Variants in MAP1LC3B observed in about 807,000 individuals in gnomAD.
MAP1LC3B encodes microtubule-associated protein 1 light chain 3 beta.
Under a neutral mutation model 16.7 loss-of-function variants are expected in MAP1LC3B, and 12 were observed. That is an observed-to-expected ratio of 0.72 (90% CI 0.46 to 1.16). The LOEUF (loss-of-function observed/expected upper bound fraction) is 1.16. Among genes scored for constraint, MAP1LC3B ranks in the 50% most tolerant of loss-of-function variants. MAP1LC3B has a pLI of 0.00. For missense variants in MAP1LC3B, 155 were observed against 159.5 expected (o/e 0.97, Z 0.15); for synonymous variants, 63 against 56.5 (o/e 1.11, Z -0.51).
chr16:87,402,532 C>G (rs1597391719), intron 3 of MAP1LC3B: 1 of 559,030 alleles, frequency 1.8e-6, no homozygotes, highest in East Asian at 2.9e-5. Flanking sequence ...TAGATGTTTC[C>G]TGTTTAAAAT....
intron 2 of MAP1LC3B, chr16:87,400,248 G>C (rs1385053849): frequency 1.3e-5 from 2 of 150,022 alleles, no homozygotes. Flanking sequence ...CGTGATCTCG[G>C]CTCACTGCAA....
At chr16:87,394,782 T>C (rs1907741186) in intron 1 of MAP1LC3B, among the ~76,000 whole-genome samples, 1 of 152,158 alleles carries the variant, frequency 6.6e-6, no homozygotes, top group Non-Finnish European at 1.5e-5. Context: ...ACTTCAAAAA[T>C]TAAAATTGTG....
intron 2 of MAP1LC3B, chr16:87,399,693 T>C: frequency 2.4e-6 from 1 of 422,820 alleles, no homozygotes; most frequent in Non-Finnish European, 4.7e-6. Context: ...TCAGGTATTA[T>C]AACAGCTTAA....
rs1313846375 is a variant in MAP1LC3B, at chr16:87,403,622, G to A, written c.*525G>A. On this transcript the variant is annotated 3_prime_UTR_variant, in exon 4 of 4. Coordinates refer to ENST00000268607, the MANE Select transcript of MAP1LC3B (RefSeq NM_022818.5). ...TGCCATCACAGTTGGCACAAACGCA[G>A]GGTAAACGGGCTGTGTGAGAAAACG... 6.5e-6 allele frequency: 1 copy of A among 153,122 alleles called. No individual in the cohort carries two copies. The highest frequency in any genetic ancestry group is 6.5e-5 in the Admixed American group (1 of 15,386). The allele number at this position is 153,122 out of a possible 1,614,324, so 9.5% of individuals were successfully genotyped here.
At chr16:87,395,881 G>T (rs570753226) in intron 1 of MAP1LC3B, among the ~76,000 whole-genome samples, 47 of 85,384 alleles carry the variant, frequency 5.5e-4, no homozygotes, top group Admixed American at 9.5e-4. Context: ...TTTTTTTTGA[G>T]ACAGGATCTC....
chr16:87,399,736 GA>G, intron 2 of MAP1LC3B: 1 of 372,080 alleles, frequency 2.7e-6, no homozygotes, highest in Non-Finnish European at 5.3e-6. Context: ...TTGCTCCATG[GA>G]AAGGAAGCAT....
At chr16:87,402,863 A>C in intron 3 of MAP1LC3B, 60 bp from the exon 4 acceptor site, 6 of 1,595,204 alleles carry the variant, frequency 3.8e-6, no homozygotes, top group Non-Finnish European at 5.1e-6. Flanking sequence ...ATATTTTAAC[A>C]CATGCTTCAT....
intron 1 of MAP1LC3B, among the ~76,000 whole-genome samples, chr16:87,394,513 AG>A (rs1907732211): frequency 6.6e-6 from 1 of 152,242 alleles, no homozygotes; most frequent in South Asian, 2.1e-4. Flanking sequence ...CAGGATTGAC[AG>A]GGTTCTCAAA....
chr16:87,404,525 T>C lies in MAP1LC3B; in HGVS notation c.*1428T>C, dbSNP rs1908109544. ...TGCGTCTGTCCACTTGGCTAACTTT[T>C]AATATGTGTATTTTTACATTATGTA... is the stretch of plus-strand genomic sequence containing the variant. On this transcript the variant is annotated 3_prime_UTR_variant, in exon 4 of 4. Coordinates refer to ENST00000268607, the MANE Select transcript of MAP1LC3B (RefSeq NM_022818.5). The C allele has an allele frequency of 6.6e-6, 1 of 152,154 alleles. No homozygotes were observed. Among genetic ancestry groups the C allele is most frequent in the Non-Finnish European group, 1.5e-5 (1 of 68,054 alleles). 9.4% of individuals were successfully genotyped at this position (152,154 alleles called of 1,614,324 possible).
Position 87,404,455 on chromosome 16 carries a change from T to A in MAP1LC3B, c.*1358T>A, listed in dbSNP as rs1402642752. ...GATTCTTTGCATCTGGGCCCTCTACTGATTGTTAAAGGAGTTCCTGTCACC... is the reference window on the plus strand; with the variant it reads ...GATTCTTTGCATCTGGGCCCTCTACAGATTGTTAAAGGAGTTCCTGTCACC... On this transcript the variant is annotated 3_prime_UTR_variant, in exon 4 of 4. Coordinates refer to ENST00000268607, the MANE Select transcript of MAP1LC3B (RefSeq NM_022818.5). The A allele has an allele frequency of 6.6e-6, 1 of 152,098 alleles. No individual in the cohort carries two copies. Among genetic ancestry groups the A allele is most frequent in the Admixed American group, 6.6e-5 (1 of 15,174 alleles). The allele number at this position is 152,098 out of a possible 1,614,324, so 9.4% of individuals were successfully genotyped here. A position where few individuals can be genotyped will look rare whatever the true frequency, so the allele number is the denominator to read the frequency against.
intron 1 of MAP1LC3B, chr16:87,396,611 G>C (rs543060292): frequency 6.6e-6 from 1 of 151,644 alleles, no homozygotes; most frequent in East Asian, 2.0e-4. Context: ...ATTAAATCGT[G>C]ATTTACCCTA....
rs368683785 is a variant in MAP1LC3B at position 87,403,289 on chromosome 16, C to T, written c.*192C>T. On this transcript the variant is annotated 3_prime_UTR_variant, in exon 4 of 4. Transcript: ENST00000268607. ...CTGAGCTCCAAGTGAGCACATTCAG[C>T]TTTGGAAACTATATTATTTAATGTA... 14 of 509,090 alleles carry T rather than the reference C, an allele frequency of 2.8e-5. 1 individual carries two copies. Among genetic ancestry groups the T allele is most frequent in the East Asian group, 2.5e-4 (8 of 31,386 alleles). The allele number at this position is 509,090 out of a possible 1,614,324, so 31.5% of individuals were successfully genotyped here. A position where few individuals can be genotyped will look rare whatever the true frequency, so the allele number is the denominator to read the frequency against.
intron 2 of MAP1LC3B, chr16:87,399,632 G>T (rs1010385057): frequency 6.6e-6 from 3 of 455,650 alleles, no homozygotes; most frequent in Non-Finnish European, 1.3e-5. Flanking sequence ...AAAGATGTCC[G>T]CAGCGTTCAG....
intron 1 of MAP1LC3B, among the ~76,000 whole-genome samples, chr16:87,398,055 C>T (rs564852669): frequency 6.7e-6 from 1 of 150,158 alleles, no homozygotes; most frequent in Non-Finnish European, 1.5e-5. Context: ...TGGAGTCTGG[C>T]TCTGTCGCCC....
intron 2 of MAP1LC3B, chr16:87,400,216 C>A (rs1454379226): frequency 6.9e-6 from 1 of 145,836 alleles, no homozygotes; most frequent in Non-Finnish European, 1.5e-5. Context: ...CTCGCTCTGT[C>A]ACCCAGGCTG....
chr16:87,399,037 ACT>A (rs1907898348), intron 2 of MAP1LC3B, 167 bp downstream of exon 2: 4 of 613,276 alleles, frequency 6.5e-6, no homozygotes, highest in Admixed American at 2.8e-5. Flanking sequence ...ACAGGGTCTC[ACT>A]CTCTTTCCCA....
chr16:87,393,327 T>C (rs549794333), intron 1 of MAP1LC3B: 3 of 152,346 alleles, frequency 2.0e-5, no homozygotes, highest in Non-Finnish European at 4.4e-5. Flanking sequence ...CAGGTATCTG[T>C]TGTTGCCTAA....
intron 1 of MAP1LC3B, among the ~76,000 whole-genome samples, chr16:87,394,429 T>C (rs1374044954): frequency 1.3e-5 from 2 of 152,206 alleles, no homozygotes; most frequent in Non-Finnish European, 2.9e-5. Flanking sequence ...CCAGTTAGCT[T>C]GAGTGGTGTT....
At chr16:87,402,583 T>G (rs986108732) in intron 3 of MAP1LC3B, 1 of 534,016 alleles carries the variant, frequency 1.9e-6, no homozygotes, top group Non-Finnish European at 3.3e-6. Flanking sequence ...GCAAAGCTAG[T>G]TAAAGAGAAT....
Sources: allele counts gnomAD v4.1 joint callset (sites outside exome capture counted in the v4.1 genomes callset), GRCh38; gene constraint gnomAD v4.1.1; transcripts MANE v1.5; gene names NCBI Gene and HGNC (gene_info 2026-07-23, HGNC 2026-07-21).